The following SIPA1L3 variants were observed in gnomAD, a reference collection of about 807,000 sequenced individuals.
The protein encoded by SIPA1L3 is signal induced proliferation associated 1 like 3.
SIPA1L3 carries 59 observed loss-of-function variants against 150.1 expected under a neutral mutation model. That is an observed-to-expected ratio of 0.39 (90% CI 0.32 to 0.49). The LOEUF (loss-of-function observed/expected upper bound fraction) is 0.49, where lower values mean the gene tolerates loss of function less well. Among genes scored for constraint, SIPA1L3 ranks in the 20% least tolerant of loss-of-function variants. SIPA1L3 has a pLI of 0.86. For missense variants in SIPA1L3, 2,211 were observed against 2,489.5 expected (o/e 0.89, Z 2.38); for synonymous variants, 1,070 against 1,077.6 (o/e 0.99, Z 0.14).
chr19:38,105,746 C>T (rs1970608811), intron 6 of SIPA1L3, among the ~76,000 whole-genome samples: 1 of 152,194 alleles, frequency 6.6e-6, no homozygotes, highest in Non-Finnish European at 1.5e-5. Context: ...AGCCGCGACT[C>T]ATTCCTTTTC....
chr19:38,155,958 A>G (rs1971940826), intron 13 of SIPA1L3, among the ~76,000 whole-genome samples: 1 of 151,834 alleles, frequency 6.6e-6, no homozygotes, highest in South Asian at 2.1e-4. Context: ...GTGCATGCCT[A>G]TAATCCCAGC....
At chr19:37,956,736 G>A (rs927340605) in intron 1 of SIPA1L3, among the ~76,000 whole-genome samples, 1 of 151,990 alleles carries the variant, frequency 6.6e-6, no homozygotes, top group African/African-American at 2.4e-5. Flanking sequence ...CGCCCACCTT[G>A]GCCTCCCAAA....
At chr19:37,974,260 C>T (rs1282813660) in intron 1 of SIPA1L3, among the ~76,000 whole-genome samples, 1 of 152,100 alleles carries the variant, frequency 6.6e-6, no homozygotes, top group Non-Finnish European at 1.5e-5. Context: ...ATGGCTTGCA[C>T]CTGTAATCCC....
chr19:38,076,138 T>G (rs1969832564), intron 2 of SIPA1L3, among the ~76,000 whole-genome samples: 1 of 151,668 alleles, frequency 6.6e-6, no homozygotes, highest in African/African-American at 2.4e-5. Context: ...AGGCTCTGTC[T>G]CAAAAAATAA....
At chr19:38,132,133 T>A (rs557281318) in intron 10 of SIPA1L3, among the ~76,000 whole-genome samples, 2 of 152,118 alleles carry the variant, frequency 1.3e-5, no homozygotes, top group East Asian at 3.9e-4. Context: ...CCAGCTATTT[T>A]CAGGCTGAGG....
intron 1 of SIPA1L3, among the ~76,000 whole-genome samples, chr19:37,942,100 A>G (rs760167183): frequency 6.6e-6 from 1 of 152,192 alleles, no homozygotes; most frequent in Non-Finnish European, 1.5e-5. Flanking sequence ...CATTCATTCC[A>G]TTGTTAACTT....
Position 37,909,939 on chromosome 19 carries a change from C to T in SIPA1L3, c.-379+2581C>T, listed in dbSNP as rs915192498. 6.8e-5 allele frequency among the ~76,000 whole-genome samples: 10 copies of T among 147,624 alleles called. No individual in the cohort carries two copies. In the Admixed American group the frequency reaches 6.8e-4, roughly 10 times the overall value. The stretch of plus-strand genomic sequence containing the variant: ...GTGATGGCCAACAAATTTACCTAAG[C>T]ATTTTGCTAACCTGAAGAAGTAAAG... On this transcript the variant is annotated intron_variant, in intron 1 of 21. Coordinates refer to ENST00000222345, the MANE Select transcript of SIPA1L3 (RefSeq NM_015073.3).
intron 18 of SIPA1L3, among the ~76,000 whole-genome samples, chr19:38,194,216 T>C (rs554564963): frequency 6.6e-6 from 1 of 150,958 alleles, no homozygotes; most frequent in South Asian, 2.1e-4. Context: ...TGGTGCATGG[T>C]ATGACTTGTT....
At position 38,164,864 on chromosome 19, in the gene SIPA1L3, C is replaced by A. The variant is rs373402030; in HGVS notation, c.4166C>A (p.Thr1389Lys). ...KLYSSGSSTP[T>K]GLAGGSRDPP... ...TACTCCTCCGGCTCCAGCACCCCCA[C>A]GGGACTGGCGGGGGGCAGCCGAGAC... Residue 1389 changes from threonine (T) to lysine (K), a missense_variant, in exon 15 of 22, where the codon ACG (threonine) becomes AAG (lysine). Thr to Lys is a moderately conservative substitution (Grantham distance 78). This residue lies in a region of SIPA1L3 where 806 missense variants were observed against 870.1 expected (regional missense o/e 0.93). Transcript: ENST00000222345. The surrounding 1 kb of genome is among the most constrained non-coding windows in gnomAD (Gnocchi z 4.1). The A allele has an allele frequency of 4.8e-5, 76 of 1,574,050 alleles. No homozygotes were observed. In the African/African-American group the frequency reaches 9.3e-4, roughly 19 times the overall value.
chr19:37,973,673 C>T lies in SIPA1L3; in HGVS notation c.-378-55416C>T, dbSNP rs117062355. ...TAGCGTATGCCTGTCCCCCATCCCA[C>T]ACTCACACCAGAGCAAATGCTTAGG... On this transcript the variant is annotated intron_variant, in intron 1 of 21. Coordinates refer to ENST00000222345, the MANE Select transcript of SIPA1L3 (RefSeq NM_015073.3). 2.1e-4 allele frequency among the ~76,000 whole-genome samples: 32 copies of T among 152,148 alleles called. 1 individual carries two copies. The South Asian group carries it at 4.4e-3, about 21-fold the overall frequency.
At chr19:38,094,152 T>C (rs1180979835) in intron 4 of SIPA1L3, among the ~76,000 whole-genome samples, 2 of 152,232 alleles carry the variant, frequency 1.3e-5, no homozygotes, top group East Asian at 3.8e-4. Context: ...TACATAAGTA[T>C]GCAAAGTAGA....
intron 2 of SIPA1L3, among the ~76,000 whole-genome samples, chr19:38,057,538 G>A (rs573885479): frequency 3.3e-5 from 5 of 151,922 alleles, no homozygotes; most frequent in African/African-American, 1.2e-4. Context: ...TGCTCATTGA[G>A]GTTGGGTTTT....
At position 38,148,275 on chromosome 19, in the gene SIPA1L3, C is replaced by T. The variant is rs111555062; in HGVS notation, c.3534-4565C>T. ...CTGAGGCAGGAGAATCACTTGAACC[C>T]GGGAGGCGGAGGTTGCAGTGAGCTG... On this transcript the variant is annotated intron_variant, in intron 12 of 21. Transcript: ENST00000222345. Among the ~76,000 whole-genome samples, 940 of 151,100 alleles carry T rather than the reference C, an allele frequency of 6.2e-3. 7 individuals carry two copies. Among genetic ancestry groups the T allele is most frequent in the Non-Finnish European group, 8.6e-3 (581 of 67,818 alleles).
chr19:37,968,066 T>C (rs1328193887), intron 1 of SIPA1L3, among the ~76,000 whole-genome samples: 1 of 78,526 alleles, frequency 1.3e-5, no homozygotes, highest in Non-Finnish European at 3.6e-5. Flanking sequence ...GCCTCATCTC[T>C]TTCTTTCTTT....
rs79607173 is a variant in SIPA1L3 at position 38,089,348 on chromosome 19, GA to G, written c.1665+507del. Among the ~76,000 whole-genome samples the G allele has an allele frequency of 3.3e-3, 453 of 136,078 alleles. 2 individuals are homozygous for G. The highest frequency in any genetic ancestry group is 4.5e-3 in the Non-Finnish European group (284 of 63,444). 89.3% of individuals were successfully genotyped at this position (136,078 alleles called of 152,430 possible). On this transcript the variant is annotated intron_variant, in intron 4 of 21. Transcript: ENST00000222345. ...TGTCTCAAAAAAAAAAAAAAAAAAA[GA>G]AAAAAAAAATTAAATGATTTCTATA...
At chr19:38,050,473 A>AC (rs1969166998) in intron 2 of SIPA1L3, among the ~76,000 whole-genome samples, 2 of 151,870 alleles carry the variant, frequency 1.3e-5, no homozygotes, top group Non-Finnish European at 2.9e-5. Flanking sequence ...AACAACAACA[A>AC]AAAAACAGCG....
chr19:38,137,355 A>G (rs1332958589), intron 10 of SIPA1L3, among the ~76,000 whole-genome samples: 1 of 151,908 alleles, frequency 6.6e-6, no homozygotes, highest in Non-Finnish European at 1.5e-5. Flanking sequence ...TGCCTGGCTA[A>G]TTTTTGTATT....
intron 2 of SIPA1L3, among the ~76,000 whole-genome samples, chr19:38,060,572 G>A (rs964603991): frequency 6.6e-6 from 1 of 152,198 alleles, no homozygotes; most frequent in African/African-American, 2.4e-5. Flanking sequence ...GGCACACACC[G>A]TCGCTCCCCT....
chr19:38,037,723 C>A (rs1005681837), intron 2 of SIPA1L3, among the ~76,000 whole-genome samples: 2 of 152,070 alleles, frequency 1.3e-5, no homozygotes, highest in African/African-American at 4.8e-5. Context: ...TAATTTTTAC[C>A]TGGTGAAAAA....
Sources: allele counts gnomAD v4.1 joint callset (sites outside exome capture counted in the v4.1 genomes callset), GRCh38; gene constraint gnomAD v4.1.1; regional missense constraint gnomAD v4.1.1; non-coding constraint Gnocchi (gnomAD v3.1); transcripts MANE v1.5; gene names NCBI Gene and HGNC (gene_info 2026-07-23, HGNC 2026-07-21).